CCSER1: variants seen among roughly 807,000 people sequenced by gnomAD.
CCSER1 encodes serine-rich coiled-coil domain-containing protein 1.
In CCSER1, 41 loss-of-function variants were observed where a neutral mutation model predicts 82.0. The observed-to-expected ratio is 0.50, with a 90% CI of 0.39 to 0.65. CCSER1 has a LOEUF of 0.65. Ranked by LOEUF, CCSER1 falls within the 30% of genes least tolerant of loss-of-function variation. The probability of loss-of-function intolerance (pLI) is 0.00; values close to 1 mark genes in which losing one functional copy is unlikely to be tolerated. For synonymous variants in CCSER1, 414 were observed against 383.9 expected (o/e 1.08, Z -0.92); for missense variants, 1,119 against 1,064.2 (o/e 1.05, Z -0.72).
intron 1 of CCSER1, among the ~76,000 whole-genome samples, chr4:90,174,402 G>A (rs916575023): frequency 6.6e-6 from 1 of 151,858 alleles, no homozygotes; most frequent in African/African-American, 2.4e-5. Context: ...AATTTTTAAG[G>A]CACTGGAACA....
chr4:90,135,393 A>G (rs13146071), intron 1 of CCSER1, among the ~76,000 whole-genome samples: 1 of 151,720 alleles, frequency 6.6e-6, no homozygotes, highest in East Asian at 1.9e-4. Context: ...CTCATTTTTT[A>G]AAAAAAAGAC....
chr4:90,244,246 T>G (rs890569559), intron 1 of CCSER1, among the ~76,000 whole-genome samples: 2 of 152,190 alleles, frequency 1.3e-5, no homozygotes, highest in Admixed American at 6.5e-5. Flanking sequence ...ATGTAACAAG[T>G]AAGATGCTTA....
intron 1 of CCSER1, among the ~76,000 whole-genome samples, chr4:90,210,870 T>G (rs997686635): frequency 2.0e-5 from 3 of 151,228 alleles, no homozygotes; most frequent in Admixed American, 1.3e-4. Flanking sequence ...AAACATTTTG[T>G]TTTTTTTTAA....
At chr4:91,363,392 A>T (rs12644183) in intron 10 of CCSER1, among the ~76,000 whole-genome samples, 82,455 of 126,844 alleles carry the variant, frequency 0.65, 24,751 homozygotes, top group East Asian at 0.83. Context: ...TGTGTGTGTG[A>T]GACAAAAATA....
intron 5 of CCSER1, among the ~76,000 whole-genome samples, chr4:90,484,095 C>G (rs1181975024): frequency 1.3e-5 from 2 of 152,244 alleles, no homozygotes; most frequent in East Asian, 3.9e-4. Flanking sequence ...TTTCTCTAAA[C>G]TTCTCTTCAC....
At chr4:90,950,718 G>C (rs918611867) in intron 9 of CCSER1, among the ~76,000 whole-genome samples, 23 of 152,024 alleles carry the variant, frequency 1.5e-4, no homozygotes, top group African/African-American at 5.6e-4. Flanking sequence ...TGGTTATCTT[G>C]GGTATAGAGA....
chr4:90,636,312 A>G (rs1258571310), intron 6 of CCSER1, among the ~76,000 whole-genome samples: 1 of 152,002 alleles, frequency 6.6e-6, no homozygotes, highest in East Asian at 1.9e-4. Flanking sequence ...AAAAAGAAAT[A>G]CATATGACAG....
Position 91,604,130 on chromosome 4 carries a change from A to G in CCSER1, c.*5073A>G, listed in dbSNP as rs932478582. On this transcript the variant is annotated 3_prime_UTR_variant, in exon 11 of 11. Coordinates refer to ENST00000509176, the MANE Select transcript of CCSER1 (RefSeq NM_001145065.2). ...ATTGTTTTACTCTTTTGTAGATTAG[A>G]TCAGAGACATTAGGTAACTTGTCCA... 5.9e-5 allele frequency: 9 copies of G among 152,140 alleles called. No homozygotes were observed. Among genetic ancestry groups the G allele is most frequent in the African/African-American group, 2.2e-4 (9 of 41,448 alleles). The allele number at this position is 152,140 out of a possible 1,614,324, so 9.4% of individuals were successfully genotyped here. A position where few individuals can be genotyped will look rare whatever the true frequency, so the allele number is the denominator to read the frequency against.
At chr4:90,912,834 G>A (rs576786343) in intron 8 of CCSER1, among the ~76,000 whole-genome samples, 4 of 152,200 alleles carry the variant, frequency 2.6e-5, no homozygotes, top group Non-Finnish European at 5.9e-5. Context: ...AGAACTACGT[G>A]ACGAATGCCC....
At chr4:91,149,595 A>G (rs186175353) in intron 10 of CCSER1, among the ~76,000 whole-genome samples, 6 of 152,080 alleles carry the variant, frequency 3.9e-5, no homozygotes, top group Admixed American at 3.9e-4. Context: ...TTTCTGCTAG[A>G]GTTTTTATCG....
chr4:91,081,669 A>G (rs1310474318), intron 9 of CCSER1, among the ~76,000 whole-genome samples: 2 of 151,954 alleles, frequency 1.3e-5, no homozygotes, highest in South Asian at 2.1e-4. Context: ...AAACCCCATC[A>G]TCTGAGCCCA....
intron 10 of CCSER1, among the ~76,000 whole-genome samples, chr4:91,574,079 A>C (rs562407740): frequency 3.3e-5 from 5 of 152,130 alleles, no homozygotes; most frequent in Non-Finnish European, 7.4e-5. Context: ...AAATATTCCT[A>C]CTACCCAAAG....
chr4:90,801,624 C>A (rs1214796017), intron 7 of CCSER1, among the ~76,000 whole-genome samples: 1 of 152,134 alleles, frequency 6.6e-6, no homozygotes, highest in East Asian at 1.9e-4. Context: ...ACATTTCTAA[C>A]ATACTGGCTT....
At chr4:91,114,109 C>G (rs1188433873) in intron 10 of CCSER1, among the ~76,000 whole-genome samples, 1 of 152,182 alleles carries the variant, frequency 6.6e-6, no homozygotes, top group Non-Finnish European at 1.5e-5. Context: ...GTCTCGGCCT[C>G]CCGAAGTGCT....
chr4:90,639,795 A>C (rs1412190165), intron 6 of CCSER1, among the ~76,000 whole-genome samples: 1 of 152,168 alleles, frequency 6.6e-6, no homozygotes, highest in East Asian at 1.9e-4. Flanking sequence ...TTCTTATTTC[A>C]ACATGCAAAT....
chr4:90,851,773 T>C (rs1248434860), intron 8 of CCSER1, among the ~76,000 whole-genome samples: 1 of 152,132 alleles, frequency 6.6e-6, no homozygotes, highest in African/African-American at 2.4e-5. Flanking sequence ...ATCTTAAAGT[T>C]GAACATGTTT....
chr4:91,061,907 C>A (rs1743988618), intron 9 of CCSER1, among the ~76,000 whole-genome samples: 2 of 151,866 alleles, frequency 1.3e-5, no homozygotes, highest in African/African-American at 4.8e-5. Flanking sequence ...TAATTAGTTT[C>A]ATATGGAAGT....
intron 10 of CCSER1, among the ~76,000 whole-genome samples, chr4:91,211,465 T>C (rs1391160593): frequency 6.6e-6 from 1 of 152,080 alleles, no homozygotes; most frequent in Non-Finnish European, 1.5e-5. Context: ...TTCATCTTAA[T>C]GGCATGATAA....
At chr4:91,178,713 A>G (rs966883091) in intron 10 of CCSER1, among the ~76,000 whole-genome samples, 1 of 151,778 alleles carries the variant, frequency 6.6e-6, no homozygotes, top group Non-Finnish European at 1.5e-5. Flanking sequence ...TGCATGTGAG[A>G]TGGGTCTCCT....
Sources: allele counts gnomAD v4.1 joint callset (sites outside exome capture counted in the v4.1 genomes callset), GRCh38; gene constraint gnomAD v4.1.1; transcripts MANE v1.5; gene names NCBI Gene and HGNC (gene_info 2026-07-23, HGNC 2026-07-21).